ALG9: variants seen among roughly 807,000 people sequenced by gnomAD.
ALG9 encodes the protein ALG9 alpha-1,2-mannosyltransferase.
In ALG9, 55 loss-of-function variants were observed where a neutral mutation model predicts 81.8. That is an observed-to-expected ratio of 0.67 (90% CI 0.54 to 0.84). The LOEUF is 0.84. ALG9 is among the 40% of genes least tolerant of loss of function. ALG9 has a pLI of 0.00. For missense variants in ALG9, 629 were observed against 745.0 expected (o/e 0.84, Z 1.81); for synonymous variants, 278 against 274.3 (o/e 1.01, Z -0.13).
chr11:111,777,049 T>C, the ALG9 span, among the ~76,000 whole-genome samples: 1 of 152,228 alleles, frequency 6.6e-6, no homozygotes, highest in African/African-American at 2.4e-5. Context: ...GAGGTAAAGT[T>C]AGGACTTTGT....
At chr11:111,770,404 C>T in the ALG9 span, among the ~76,000 whole-genome samples, 4 of 152,088 alleles carry the variant, frequency 2.6e-5, no homozygotes, top group Admixed American at 6.6e-5. Context: ...GGAGGCCACC[C>T]GTGTCCAGAA....
intron 5 of ALG9, 79 bp downstream of exon 5, chr11:111,860,468 G>A: frequency 4.3e-6 from 5 of 1,164,832 alleles, no homozygotes; most frequent in Non-Finnish European, 6.5e-6. Flanking sequence ...TGAACTATTG[G>A]TGAACCTGCA....
Position 111,870,360 on chromosome 11 carries a change from T to A in ALG9, c.142A>T (p.Asn48Tyr). 6.7e-7 allele frequency: 1 copy of A among 1,492,374 alleles called. No homozygotes were observed. Among genetic ancestry groups the A allele is most frequent in the Middle Eastern group, 1.9e-4 (1 of 5,324 alleles). 92.4% of individuals were successfully genotyped at this position (1,492,374 alleles called of 1,614,324 possible). The change falls in exon 2 of 15, where the codon AAC becomes TAC. Residue 48 changes from asparagine (N) to tyrosine (Y), a missense_variant. Transcript: ENST00000616540. ...GGTGCCCAGACTTGTCCTGCTTTGT[T>A]CCCAGATAACCTGTTCAAAAGCAAA... The part of the protein sequence containing the change: ...GAEHRTELSG[N>Y]KAGQVWAPEG...
chr11:111,814,125 C>T (rs1175013007), intron 13 of ALG9, among the ~76,000 whole-genome samples: 4 of 152,056 alleles, frequency 2.6e-5, no homozygotes, highest in African/African-American at 7.2e-5. Flanking sequence ...CAAAAACACC[C>T]GTCAACAGTA....
intron 4 of ALG9, chr11:111,864,462 A>T: frequency 2.7e-6 from 2 of 747,444 alleles, no homozygotes; most frequent in Non-Finnish European, 5.0e-6. Context: ...TTTTTGTAGT[A>T]AAATGAATTT....
chr11:111,812,496 G>C (rs1555092464), intron 13 of ALG9, among the ~76,000 whole-genome samples: 1 of 152,116 alleles, frequency 6.6e-6, no homozygotes, highest in Non-Finnish European at 1.5e-5. Context: ...GAGCCCAGGA[G>C]GTCAAGACAG....
intron 12 of ALG9, 74 bp from the exon 13 acceptor site, chr11:111,836,368 C>T: frequency 6.3e-7 from 1 of 1,578,760 alleles, no homozygotes; most frequent in Non-Finnish European, 8.7e-7. Flanking sequence ...ACAAACAAGC[C>T]AGGAAAATCA....
intron 13 of ALG9, among the ~76,000 whole-genome samples, chr11:111,822,295 G>C (rs1307712988): frequency 2.0e-5 from 3 of 150,232 alleles, no homozygotes; most frequent in Non-Finnish European, 4.4e-5. Context: ...TGTAGTTCCA[G>C]CTACTCGAGA....
At chr11:111,770,812 T>C in the ALG9 span, among the ~76,000 whole-genome samples, 1 of 152,168 alleles carries the variant, frequency 6.6e-6, no homozygotes, top group Admixed American at 6.5e-5. Context: ...ATATCCTGTC[T>C]CTATTCCTCC....
intron 14 of ALG9, among the ~76,000 whole-genome samples, chr11:111,789,063 G>C (rs1383757817): frequency 6.6e-6 from 1 of 151,196 alleles, no homozygotes; most frequent in East Asian, 2.0e-4. Context: ...GGCTGGCCTT[G>C]AACTCCTGGG....
Position 111,860,648 on chromosome 11 carries a change from CAA to C in ALG9, c.477-15_477-14del. ...CTTGCACACAGCCCTAGGAAAAAGG[CAA>C]AGACTATCAGCATTGAGAATATTAG... On this transcript the variant is annotated splice_polypyrimidine_tract_variant and intron_variant, in intron 4 of 14. Coordinates refer to ENST00000616540, the MANE Select transcript of ALG9 (RefSeq NM_024740.2). 1 of 1,598,196 alleles carries C rather than the reference CAA, an allele frequency of 6.3e-7. No individual in the cohort carries two copies. The highest frequency in any genetic ancestry group is 1.1e-5 in the South Asian group (1 of 89,962).
In ALG9 at chr11:111,827,914, G is replaced by A. The variant is rs117094058; in HGVS notation, c.1602+8251C>T. ...CTAAAGATAAGAGATGAGTCCGGAC[G>A]TGGTGGCTCACGTTTGTAATCCCAG... On this transcript the variant is annotated intron_variant, in intron 13 of 14. Transcript: ENST00000616540. Among the ~76,000 whole-genome samples the A allele has an allele frequency of 6.9e-3, 1,002 of 145,394 alleles. 6 individuals are homozygous for A. Among genetic ancestry groups the A allele is most frequent in the Middle Eastern group, 0.065 (15 of 232 alleles).
chr11:111,768,827 T>TTGTGTGTGTGTGTGCGCGCG, the ALG9 span: 2 of 97,360 alleles, frequency 2.1e-5, no homozygotes, highest in African/African-American at 9.5e-5. Flanking sequence ...ACATCCAGCT[T>TTGTGTGTGTGTGTGCGCGCG]CGTGTGTGTG....
chr11:111,790,897 C>A (rs1333644607), intron 14 of ALG9, among the ~76,000 whole-genome samples: 1 of 152,142 alleles, frequency 6.6e-6, no homozygotes, highest in Non-Finnish European at 1.5e-5. Context: ...GCAGTTTTAG[C>A]AGTACCAATT....
chr11:111,796,272 G>A (rs1444131280), intron 14 of ALG9, among the ~76,000 whole-genome samples: 5 of 152,194 alleles, frequency 3.3e-5, no homozygotes, highest in Non-Finnish European at 7.3e-5. Context: ...TGTGCTAGGA[G>A]TTGTAGAGAA....
chr11:111,858,011 T>C, intron 5 of ALG9: 1 of 389,656 alleles, frequency 2.6e-6, no homozygotes, highest in Non-Finnish European at 4.9e-6. Flanking sequence ...GGATCTCAGC[T>C]CACTGCAACC....
chr11:111,807,223 T>G (rs1950054228), intron 14 of ALG9, among the ~76,000 whole-genome samples: 1 of 152,182 alleles, frequency 6.6e-6, no homozygotes, highest in Admixed American at 6.6e-5. Flanking sequence ...AGTAAAGGCC[T>G]TTCAATAGCC....
intron 8 of ALG9, among the ~76,000 whole-genome samples, chr11:111,852,852 G>T (rs1435153499): frequency 6.7e-6 from 1 of 149,590 alleles, no homozygotes; most frequent in Non-Finnish European, 1.5e-5. Flanking sequence ...TGAGGCAGGA[G>T]AATCACTTGA....
chr11:111,823,235 T>TCTCAACTCTAGAGAAAGCAATTC (rs1592077554), intron 13 of ALG9, among the ~76,000 whole-genome samples: 5 of 152,118 alleles, frequency 3.3e-5, no homozygotes, highest in Admixed American at 6.5e-5. Flanking sequence ...CTAAGATCCC[T>TCTCAACTCTAGAGAAAGCAATTC]CTCAACTCTA....
Sources: allele counts gnomAD v4.1 joint callset (sites outside exome capture counted in the v4.1 genomes callset), GRCh38; gene constraint gnomAD v4.1.1; transcripts MANE v1.5; gene names NCBI Gene and HGNC (gene_info 2026-07-23, HGNC 2026-07-21).